Variants in FRMD5 observed in about 807,000 individuals in gnomAD.
FRMD5 encodes the protein FERM domain containing 5, also known as FERM domain-containing protein 5.
In FRMD5, 20 loss-of-function variants were observed where a neutral mutation model predicts 69.0. The ratio of observed to expected loss-of-function variants is 0.29; its 90% CI spans 0.20 to 0.42. The LOEUF (loss-of-function observed/expected upper bound fraction) is 0.42. FRMD5 is among the 10% of genes least tolerant of loss of function. FRMD5 has a pLI of 1.00. For synonymous variants in FRMD5, 271 were observed against 260.1 expected (o/e 1.04, Z -0.40); for missense variants, 595 against 708.6 (o/e 0.84, Z 1.82).
At chr15:44,193,751 C>T (rs1193658234) in intron 1 of FRMD5, among the ~76,000 whole-genome samples, 2 of 152,226 alleles carry the variant, frequency 1.3e-5, no homozygotes, top group Non-Finnish European at 2.9e-5. Flanking sequence ...CAGAGACCAG[C>T]TGCTCTCATA....
At chr15:44,021,410 G>A (rs954185232) in intron 1 of FRMD5, among the ~76,000 whole-genome samples, 2 of 152,242 alleles carry the variant, frequency 1.3e-5, no homozygotes, top group Non-Finnish European at 2.9e-5. Flanking sequence ...TAGCTGATAA[G>A]GGATTAATAT....
At chr15:43,935,511 T>C (rs2089745067) in intron 1 of FRMD5, among the ~76,000 whole-genome samples, 1 of 152,026 alleles carries the variant, frequency 6.6e-6, no homozygotes, top group African/African-American at 2.4e-5. Context: ...AAATAAATAA[T>C]TCTTGGGCTT....
At chr15:44,089,224 G>A (rs1894329995) in intron 1 of FRMD5, among the ~76,000 whole-genome samples, 1 of 152,100 alleles carries the variant, frequency 6.6e-6, no homozygotes, top group Admixed American at 6.6e-5. Flanking sequence ...CAGCATGAAT[G>A]TACTTTATAA....
intron 1 of FRMD5, among the ~76,000 whole-genome samples, chr15:43,984,892 G>C (rs890942607): frequency 6.6e-6 from 1 of 151,836 alleles, no homozygotes; most frequent in African/African-American, 2.4e-5. Context: ...GCTGAGGTGG[G>C]AGAATCGCTT....
chr15:44,097,296 C>G (rs1041531557), intron 1 of FRMD5, among the ~76,000 whole-genome samples: 1 of 152,222 alleles, frequency 6.6e-6, no homozygotes, highest in African/African-American at 2.4e-5. Flanking sequence ...CCTGTAGGAA[C>G]AGCAAGCTTT....
intron 1 of FRMD5, among the ~76,000 whole-genome samples, chr15:44,179,009 T>C (rs1450589714): frequency 1.3e-5 from 2 of 151,552 alleles, no homozygotes; most frequent in Non-Finnish European, 2.9e-5. Context: ...AATAAATAAA[T>C]AAATAAATAA....
intron 1 of FRMD5, among the ~76,000 whole-genome samples, chr15:44,105,147 A>T (rs1353875894): frequency 6.6e-5 from 10 of 150,556 alleles, no homozygotes; most frequent in Admixed American, 6.6e-4. Flanking sequence ...CACAGTTACA[A>T]CTCACTGCAG....
chr15:44,052,332 T>C (rs544882900), intron 1 of FRMD5, among the ~76,000 whole-genome samples: 5 of 152,206 alleles, frequency 3.3e-5, no homozygotes, highest in African/African-American at 4.8e-5. Context: ...TACGCAACCA[T>C]TGTGTTTCTT....
At chr15:44,160,609 C>T (rs1240814472) in intron 1 of FRMD5, among the ~76,000 whole-genome samples, 1 of 152,148 alleles carries the variant, frequency 6.6e-6, no homozygotes, top group Non-Finnish European at 1.5e-5. Context: ...TTATAACATT[C>T]TTCTATAACT....
At chr15:43,895,713 T>A (rs2088897038) in intron 7 of FRMD5, among the ~76,000 whole-genome samples, 1 of 152,206 alleles carries the variant, frequency 6.6e-6, no homozygotes, top group Non-Finnish European at 1.5e-5. Flanking sequence ...ACACCCGGTA[T>A]CCGCAGGGGC....
chr15:43,895,367 G>C (rs2088889814), intron 7 of FRMD5, among the ~76,000 whole-genome samples: 1 of 152,236 alleles, frequency 6.6e-6, no homozygotes, highest in African/African-American at 2.4e-5. Context: ...AGTCCTCTCA[G>C]TGACCTCTGT....
At chr15:43,897,536 A>G (rs2140387282) in intron 7 of FRMD5, among the ~76,000 whole-genome samples, 2 of 146,378 alleles carry the variant, frequency 1.4e-5, no homozygotes, top group East Asian at 4.2e-4. Context: ...ACTCGTCAAG[A>G]TGGGGGATGG....
At chr15:44,001,614 T>G (rs1383874741) in intron 1 of FRMD5, among the ~76,000 whole-genome samples, 4 of 149,618 alleles carry the variant, frequency 2.7e-5, no homozygotes, top group African/African-American at 9.7e-5. Context: ...TTTTATTGTT[T>G]TTTTTTTTTT....
intron 7 of FRMD5, among the ~76,000 whole-genome samples, chr15:43,898,697 T>C (rs547204710): frequency 6.6e-6 from 1 of 152,212 alleles, no homozygotes; most frequent in Non-Finnish European, 1.5e-5. Flanking sequence ...GGAACAGATA[T>C]AGCAATGGAC....
chr15:43,919,735 G>A (rs1204698635), intron 3 of FRMD5, 32 bp downstream of exon 3: 1 of 1,608,424 alleles, frequency 6.2e-7, no homozygotes, highest in African/African-American at 1.3e-5. Context: ...CCCCAGGGGT[G>A]TGGCTTGAGT....
chr15:43,916,779 A>AT (rs10673261), intron 4 of FRMD5, among the ~76,000 whole-genome samples: 15,576 of 139,638 alleles, frequency 0.11, 1,578 homozygotes, highest in African/African-American at 0.27. Flanking sequence ...ACAAAATTGT[A>AT]TTTTTTTTTT....
At chr15:43,959,122 A>AG (rs1233864795) in intron 1 of FRMD5, among the ~76,000 whole-genome samples, 1 of 152,236 alleles carries the variant, frequency 6.6e-6, no homozygotes, top group Non-Finnish European at 1.5e-5. Flanking sequence ...TTATTTAAGA[A>AG]GTCTCTCTCC....
intron 1 of FRMD5, among the ~76,000 whole-genome samples, chr15:44,130,925 A>C (rs1215370756): frequency 1.3e-5 from 2 of 152,228 alleles, no homozygotes; most frequent in Non-Finnish European, 2.9e-5. Flanking sequence ...TAAGTAAATA[A>C]ATAAATAATT....
intron 1 of FRMD5, among the ~76,000 whole-genome samples, chr15:44,176,161 T>C (rs564266029): frequency 9.2e-5 from 14 of 152,152 alleles, no homozygotes; most frequent in Non-Finnish European, 1.8e-4. Context: ...CAAGATACTG[T>C]GGTAGTGGAA....
Sources: gnomAD v4.1 joint callset for allele counts (sites outside exome capture counted in the v4.1 genomes callset) on GRCh38, gnomAD v4.1.1 for gene constraint, MANE v1.5 for transcripts, NCBI Gene and HGNC (gene_info 2026-07-23, HGNC 2026-07-21) for gene names.